The following SCFD2 variants were observed in gnomAD, a reference collection of about 807,000 sequenced individuals.
SCFD2 encodes the protein sec1 family domain containing 2.
Under a neutral mutation model 58.9 loss-of-function variants are expected in SCFD2, and 54 were observed. That is an observed-to-expected ratio of 0.92 (90% CI 0.74 to 1.15). SCFD2 has a LOEUF of 1.15. Ranked by LOEUF, SCFD2 falls within the 50% of genes most tolerant of loss-of-function variation. The probability of loss-of-function intolerance (pLI) is 0.00; values close to 1 mark genes in which losing one functional copy is unlikely to be tolerated. For synonymous variants in SCFD2, 321 were observed against 335.9 expected (o/e 0.96, Z 0.49); for missense variants, 805 against 836.6 (o/e 0.96, Z 0.47).
At chr4:53,231,808 A>C (rs971148575) in intron 4 of SCFD2, among the ~76,000 whole-genome samples, 7 of 152,118 alleles carry the variant, frequency 4.6e-5, no homozygotes, top group African/African-American at 7.2e-5. Flanking sequence ...TGTAGTACCA[A>C]GAAGAAAACA....
At chr4:53,083,827 G>A (rs1248223257) in intron 5 of SCFD2, among the ~76,000 whole-genome samples, 2 of 152,150 alleles carry the variant, frequency 1.3e-5, no homozygotes, top group Non-Finnish European at 2.9e-5. Flanking sequence ...AGAACAGAGA[G>A]TAGGTATAAA....
intron 4 of SCFD2, among the ~76,000 whole-genome samples, chr4:53,158,995 C>T (rs1245023879): frequency 6.6e-6 from 1 of 152,118 alleles, no homozygotes; most frequent in African/African-American, 2.4e-5. Context: ...TGTCTGTCTG[C>T]CATGGCTCTT....
intron 5 of SCFD2, among the ~76,000 whole-genome samples, chr4:52,973,584 A>C (rs1047022207): frequency 7.9e-5 from 12 of 152,384 alleles, no homozygotes; most frequent in African/African-American, 2.4e-4. Flanking sequence ...GAATTCTACC[A>C]GAGGTACAAG....
intron 2 of SCFD2, among the ~76,000 whole-genome samples, chr4:53,321,065 A>T (rs1451809028): frequency 6.6e-6 from 1 of 152,174 alleles, no homozygotes; most frequent in Non-Finnish European, 1.5e-5. Flanking sequence ...TTGATAAATT[A>T]TTCTGAATTC....
At chr4:53,044,281 C>A (rs1307310177) in intron 5 of SCFD2, among the ~76,000 whole-genome samples, 3 of 152,040 alleles carry the variant, frequency 2.0e-5, no homozygotes, top group Non-Finnish European at 4.4e-5. Flanking sequence ...CCCCCACTGT[C>A]CTTTCACAGT....
intron 5 of SCFD2, among the ~76,000 whole-genome samples, chr4:53,059,785 G>C (rs1560317963): frequency 6.6e-6 from 1 of 151,998 alleles, no homozygotes; most frequent in Non-Finnish European, 1.5e-5. Context: ...AAAAATATAA[G>C]TGTACTATAT....
At chr4:53,226,280 A>C (rs1231838364) in intron 4 of SCFD2, among the ~76,000 whole-genome samples, 3 of 152,200 alleles carry the variant, frequency 2.0e-5, no homozygotes, top group Admixed American at 6.5e-5. Context: ...GCAGCAATAC[A>C]ACATTATTGG....
chr4:53,045,056 A>G, intron 5 of SCFD2, among the ~76,000 whole-genome samples: 1 of 152,144 alleles, frequency 6.6e-6, no homozygotes, highest in East Asian at 1.9e-4. Context: ...TCTGCATTCA[A>G]TGGACAATAG....
At chr4:53,318,879 A>C (rs1180334664) in intron 2 of SCFD2, among the ~76,000 whole-genome samples, 1 of 152,192 alleles carries the variant, frequency 6.6e-6, no homozygotes, top group Non-Finnish European at 1.5e-5. Flanking sequence ...TTTGATCCTC[A>C]TCTCCTGAGC....
At chr4:53,221,321 A>T (rs1055789746) in intron 4 of SCFD2, among the ~76,000 whole-genome samples, 3 of 152,256 alleles carry the variant, frequency 2.0e-5, no homozygotes, top group African/African-American at 7.2e-5. Context: ...GGAGCAAAAG[A>T]TCTAAAGACT....
At chr4:52,926,003 A>G (rs1179605556) in intron 5 of SCFD2, among the ~76,000 whole-genome samples, 1 of 152,070 alleles carries the variant, frequency 6.6e-6, no homozygotes, top group African/African-American at 2.4e-5. Flanking sequence ...CATTTACTGA[A>G]GCCCCTTTCC....
intron 4 of SCFD2, among the ~76,000 whole-genome samples, chr4:53,237,678 T>C: frequency 1.6e-5 from 2 of 123,170 alleles, no homozygotes; most frequent in Admixed American, 7.9e-5. Context: ...ACGGGGCGGC[T>C]GGCCGGGCAG....
intron 4 of SCFD2, among the ~76,000 whole-genome samples, chr4:53,212,300 C>T (rs1332004847): frequency 1.3e-5 from 2 of 151,904 alleles, no homozygotes; most frequent in African/African-American, 4.8e-5. Context: ...GTCAAAACAA[C>T]ACCAAATGTG....
intron 5 of SCFD2, among the ~76,000 whole-genome samples, chr4:53,144,233 G>A (rs1314589196): frequency 6.6e-6 from 1 of 151,642 alleles, no homozygotes; most frequent in Non-Finnish European, 1.5e-5. Context: ...GATCGCTTGA[G>A]CCCAGGAGTT....
chr4:53,159,785 C>A (rs1332448050), intron 4 of SCFD2, among the ~76,000 whole-genome samples: 1 of 152,190 alleles, frequency 6.6e-6, no homozygotes, highest in Non-Finnish European at 1.5e-5. Context: ...CCTTCAGAAG[C>A]CCTAGTGACA....
chr4:53,362,258 G>A (rs1461183560), intron 1 of SCFD2, among the ~76,000 whole-genome samples: 4 of 152,118 alleles, frequency 2.6e-5, no homozygotes, highest in South Asian at 2.1e-4. Flanking sequence ...AGGCCCTGAG[G>A]CTGGAACATG....
intron 4 of SCFD2, among the ~76,000 whole-genome samples, chr4:53,190,505 G>A (rs1279957081): frequency 2.6e-5 from 4 of 152,074 alleles, no homozygotes; most frequent in Admixed American, 2.6e-4. Flanking sequence ...TTCTTAGTGA[G>A]GCCTTCTTGA....
intron 5 of SCFD2, among the ~76,000 whole-genome samples, chr4:53,011,283 G>T (rs1003989208): frequency 9.9e-5 from 15 of 152,060 alleles, no homozygotes; most frequent in Non-Finnish European, 1.5e-4. Flanking sequence ...AGTCATTCAG[G>T]TTCCTTTAAT....
At chr4:53,126,240 G>A (rs1577751747) in intron 5 of SCFD2, among the ~76,000 whole-genome samples, 2 of 152,220 alleles carry the variant, frequency 1.3e-5, no homozygotes, top group Admixed American at 6.5e-5. Flanking sequence ...CATAATAATC[G>A]GTTGAAAGGA....
Sources: allele counts gnomAD v4.1 joint callset (sites outside exome capture counted in the v4.1 genomes callset), GRCh38; gene constraint gnomAD v4.1.1; transcripts MANE v1.5; gene names NCBI Gene and HGNC (gene_info 2026-07-23, HGNC 2026-07-21).